AUTS2: variants seen among roughly 807,000 people sequenced by gnomAD.
The protein encoded by AUTS2 is autism susceptibility gene 2 protein.
AUTS2 carries 17 observed loss-of-function variants against 112.4 expected under a neutral mutation model. The ratio of observed to expected loss-of-function variants is 0.15; its 90% CI spans 0.10 to 0.23. AUTS2 has a LOEUF of 0.23. Ranked by LOEUF, AUTS2 falls within the 10% of genes least tolerant of loss-of-function variation. The pLI is 1.00. For missense variants in AUTS2, 1,510 were observed against 1,701.6 expected, an observed-to-expected ratio of 0.89 and a Z score of 1.98; for synonymous variants, 751 against 702.7, an observed-to-expected ratio of 1.07 and a Z score of -1.09.
At chr7:70,339,284 T>C (rs568455076) in intron 4 of AUTS2, among the ~76,000 whole-genome samples, 2 of 152,340 alleles carry the variant, frequency 1.3e-5, no homozygotes, top group East Asian at 3.9e-4. Flanking sequence ...AAAATTCTTA[T>C]TGTTATTATC....
At chr7:70,564,871 G>T (rs757125899) in intron 5 of AUTS2, among the ~76,000 whole-genome samples, 2 of 152,104 alleles carry the variant, frequency 1.3e-5, no homozygotes, top group Non-Finnish European at 2.9e-5. Flanking sequence ...AGGCCGAGGC[G>T]GATGGATCAC....
At chr7:70,378,948 A>C (rs1793241997) in intron 4 of AUTS2, among the ~76,000 whole-genome samples, 1 of 152,204 alleles carries the variant, frequency 6.6e-6, no homozygotes, top group Non-Finnish European at 1.5e-5. Context: ...ACTGGAGCCT[A>C]TCCTTGTGAT....
intron 2 of AUTS2, among the ~76,000 whole-genome samples, chr7:69,902,721 G>A (rs1005469779): frequency 2.0e-5 from 3 of 152,160 alleles, no homozygotes; most frequent in African/African-American, 7.2e-5. Context: ...TAGGAAAGAT[G>A]TATAGTTCTA....
At chr7:70,208,011 C>CAAAAA (rs61267230) in intron 4 of AUTS2, among the ~76,000 whole-genome samples, 4 of 47,980 alleles carry the variant, frequency 8.3e-5, no homozygotes, top group Admixed American at 2.3e-4. Context: ...AACTCCATCT[C>CAAAAA]AAAAAAAAAA....
intron 4 of AUTS2, among the ~76,000 whole-genome samples, chr7:70,196,536 C>T (rs1484717953): frequency 6.6e-6 from 1 of 152,208 alleles, no homozygotes; most frequent in African/African-American, 2.4e-5. Flanking sequence ...CCATGTTCTT[C>T]TCTAGGCGTC....
At chr7:70,136,676 A>G (rs1251565661) in intron 4 of AUTS2, among the ~76,000 whole-genome samples, 1 of 152,198 alleles carries the variant, frequency 6.6e-6, no homozygotes, top group African/African-American at 2.4e-5. Context: ...GTAATTTTTC[A>G]AGTCTATCCT....
chr7:69,926,150 G>T (rs555044636), intron 2 of AUTS2, among the ~76,000 whole-genome samples: 6 of 152,310 alleles, frequency 3.9e-5, no homozygotes, highest in South Asian at 4.1e-4. Flanking sequence ...TGGTAGGAAT[G>T]TTCTATAAAT....
chr7:70,375,169 A>G (rs143195176), intron 4 of AUTS2, among the ~76,000 whole-genome samples: 277 of 152,322 alleles, frequency 1.8e-3, no homozygotes, highest in African/African-American at 6.5e-3. Context: ...TACTGATTCA[A>G]TATGTTAAAT....
intron 6 of AUTS2, among the ~76,000 whole-genome samples, chr7:70,747,021 G>A (rs968431285): frequency 5.9e-5 from 9 of 152,164 alleles, no homozygotes; most frequent in Non-Finnish European, 4.4e-5. Context: ...AGATGATGGG[G>A]ACAGGACAGA....
At position 70,793,394 on chromosome 7, in the gene AUTS2, A is replaced by G. The variant is rs17673272; in HGVS notation, c.*2398A>G. The G allele has an allele frequency of 0.013, 1,996 of 151,796 alleles. 17 individuals carry two copies. Among genetic ancestry groups the G allele is most frequent in the South Asian group, 0.024 (114 of 4,800 alleles). The allele number at this position is 151,796 out of a possible 1,614,324, so 9.4% of individuals were successfully genotyped here. A position where few individuals can be genotyped will look rare whatever the true frequency, so the allele number is the denominator to read the frequency against. On this transcript the variant is annotated 3_prime_UTR_variant, in exon 19 of 19. Coordinates refer to ENST00000342771, the MANE Select transcript of AUTS2 (RefSeq NM_015570.4). ...TCTTAGCTTTTTCTCTCTTTTAATT[A>G]CGTGGTGTAGTCCTCATCAGTTTGC...
intron 1 of AUTS2, among the ~76,000 whole-genome samples, chr7:69,897,916 T>G (rs74373614): frequency 6.6e-6 from 1 of 152,002 alleles, no homozygotes; most frequent in Non-Finnish European, 1.5e-5. Flanking sequence ...GTGAGAAAAT[T>G]GGATGTGAAA....
chr7:70,692,820 T>C (rs1473168228), intron 5 of AUTS2, among the ~76,000 whole-genome samples: 1 of 151,324 alleles, frequency 6.6e-6, no homozygotes, highest in Non-Finnish European at 1.5e-5. Context: ...AATCAAATAG[T>C]GATAGACATG....
intron 5 of AUTS2, among the ~76,000 whole-genome samples, chr7:70,590,674 C>T (rs1382527377): frequency 6.6e-6 from 1 of 152,132 alleles, no homozygotes; most frequent in Non-Finnish European, 1.5e-5. Context: ...TGCCTAAACA[C>T]ATGAACGTAT....
chr7:70,744,384 A>G (rs1046712394), intron 6 of AUTS2, among the ~76,000 whole-genome samples: 1 of 152,122 alleles, frequency 6.6e-6, no homozygotes, highest in African/African-American at 2.4e-5. Context: ...TGGGGCCATT[A>G]GCTGAATGCC....
At chr7:69,678,696 G>A (rs1584056269) in intron 1 of AUTS2, among the ~76,000 whole-genome samples, 1 of 152,292 alleles carries the variant, frequency 6.6e-6, no homozygotes, top group East Asian at 1.9e-4. Flanking sequence ...AAGTAGAGCT[G>A]TGACAGATAT....
At position 69,899,482 on chromosome 7, in the gene AUTS2, C is replaced by A; in HGVS notation, c.506C>A (p.Pro169Gln). 1 of 1,613,930 alleles carries A rather than the reference C, an allele frequency of 6.2e-7. No individual in the cohort carries two copies. Among genetic ancestry groups the A allele is most frequent in the Non-Finnish European group, 8.5e-7 (1 of 1,179,844 alleles). ...CACCTTGGGAAGAGAAAGAAAATGC[C>A]GAAGGCACTCAGACAGGTGAGGAAG... ...CQHLGKRKKM[P>Q]KALRQLKPGQ... The change falls in exon 2 of 19, where the codon CCG (proline) becomes CAG (glutamine). Residue 169 changes from proline to glutamine, a missense_variant. By Grantham distance (76) the Pro-to-Gln change is moderately conservative. Around this residue, in one of 3 missense-constraint regions of AUTS2, gnomAD observed 535 missense variants for 594.3 expected, o/e 0.90. Transcript: ENST00000342771.
chr7:70,208,840 A>G (rs926675995), intron 4 of AUTS2, among the ~76,000 whole-genome samples: 4 of 151,958 alleles, frequency 2.6e-5, no homozygotes, highest in Non-Finnish European at 5.9e-5. Flanking sequence ...TGGTGTGTTC[A>G]AGGGACAGGA....
chr7:70,175,367 A>G (rs948951368), intron 4 of AUTS2, among the ~76,000 whole-genome samples: 1 of 152,256 alleles, frequency 6.6e-6, no homozygotes, highest in African/African-American at 2.4e-5. Context: ...CTCCTGGTGA[A>G]GATGCTGTGA....
chr7:70,663,544 T>G (rs939694689), intron 5 of AUTS2, among the ~76,000 whole-genome samples: 2 of 151,904 alleles, frequency 1.3e-5, no homozygotes, highest in Non-Finnish European at 2.9e-5. Flanking sequence ...CCTTACAGTG[T>G]CTTAGGGACC....
Sources: allele counts gnomAD v4.1 joint callset (sites outside exome capture counted in the v4.1 genomes callset), GRCh38; gene constraint gnomAD v4.1.1; regional missense constraint gnomAD v4.1.1; transcripts MANE v1.5; gene names NCBI Gene and HGNC (gene_info 2026-07-23, HGNC 2026-07-21).